Variants in DDHD1 observed in about 807,000 individuals in gnomAD.
The protein encoded by DDHD1 is DDHD domain containing 1.
DDHD1 carries 49 observed loss-of-function variants against 96.4 expected under a neutral mutation model. That is an observed-to-expected ratio of 0.51 (90% CI 0.40 to 0.64). The LOEUF (loss-of-function observed/expected upper bound fraction) is 0.64. Among genes scored for constraint, DDHD1 ranks in the 30% least tolerant of loss-of-function variants. The probability of loss-of-function intolerance (pLI) is 0.00; values close to 1 mark genes in which losing one functional copy is unlikely to be tolerated. For synonymous variants in DDHD1, 442 were observed against 446.5 expected (o/e 0.99, Z 0.13); for missense variants, 1,106 against 1,161.2 (o/e 0.95, Z 0.69).
intron 2 of DDHD1, among the ~76,000 whole-genome samples, chr14:53,094,670 G>A (rs1028902534): frequency 5.3e-5 from 8 of 150,874 alleles, no homozygotes; most frequent in Admixed American, 4.0e-4. Flanking sequence ...ATGAGACCCC[G>A]TCTCTTAAAA....
chr14:53,084,450 G>A (rs771103919), intron 4 of DDHD1, among the ~76,000 whole-genome samples: 11 of 152,018 alleles, frequency 7.2e-5, no homozygotes, highest in Non-Finnish European at 1.5e-4. Context: ...TAGTTCTCAG[G>A]TTCCTAGATA....
Position 53,046,721 on chromosome 14 carries a change from G to GAAA in DDHD1, c.*44_*46dup. ...GTATCTTGACACACACATTTTAACGGAAAAAAAAAAAATCAGTTTTAGGCC... is the reference window on the plus strand; with the variant it reads ...GTATCTTGACACACACATTTTAACGGAAAAAAAAAAAAAAATCAGTTTTAGGCC... On this transcript the variant is annotated 3_prime_UTR_variant, in exon 13 of 13. Transcript: ENST00000673822. 4 of 1,002,674 alleles carry GAAA rather than the reference G, an allele frequency of 4.0e-6. No individual in the cohort carries two copies. Among genetic ancestry groups the GAAA allele is most frequent in the South Asian group, 4.5e-5 (2 of 44,482 alleles). The allele number at this position is 1,002,674 out of a possible 1,614,324, so 62.1% of individuals were successfully genotyped here.
chr14:53,079,199 G>T (rs1885232126), intron 4 of DDHD1, among the ~76,000 whole-genome samples: 2 of 152,022 alleles, frequency 1.3e-5, no homozygotes, highest in Non-Finnish European at 2.9e-5. Context: ...TTTGGTATCG[G>T]GGTAATACTG....
intron 3 of DDHD1, 157 bp downstream of exon 3, chr14:53,093,159 A>C (rs887764212): frequency 3.2e-6 from 2 of 620,528 alleles, no homozygotes; most frequent in African/African-American, 1.9e-5. Flanking sequence ...ATGTCAACTC[A>C]ATCAACTTAA....
At chr14:53,137,233 T>C (rs957759213) in intron 1 of DDHD1, among the ~76,000 whole-genome samples, 12 of 152,198 alleles carry the variant, frequency 7.9e-5, no homozygotes, top group East Asian at 7.7e-4. Flanking sequence ...ACAGGACATA[T>C]TCATTCAAGA....
intron 12 of DDHD1, among the ~76,000 whole-genome samples, chr14:53,050,550 A>G (rs1882451915): frequency 6.6e-6 from 1 of 152,102 alleles, no homozygotes; most frequent in Non-Finnish European, 1.5e-5. Context: ...ATTCTACCAT[A>G]TATTATAATT....
intron 1 of DDHD1, among the ~76,000 whole-genome samples, chr14:53,148,300 T>C (rs1891129529): frequency 6.6e-6 from 1 of 151,984 alleles, no homozygotes; most frequent in African/African-American, 2.4e-5. Flanking sequence ...ATCACTGCCA[T>C]TGGAATTGAA....
chr14:53,065,118 T>C (rs1471857170), intron 6 of DDHD1, among the ~76,000 whole-genome samples: 1 of 152,170 alleles, frequency 6.6e-6, no homozygotes, highest in Non-Finnish European at 1.5e-5. Flanking sequence ...AAGCACTGGA[T>C]AGCTTTTCAA....
chr14:53,101,413 CAT>C (rs1366793688), intron 2 of DDHD1, among the ~76,000 whole-genome samples: 2 of 152,002 alleles, frequency 1.3e-5, no homozygotes, highest in South Asian at 2.1e-4. Context: ...CAGTTGAACA[CAT>C]CTTTGCTAAT....
intron 10 of DDHD1, among the ~76,000 whole-genome samples, chr14:53,055,053 A>C (rs1370539814): frequency 3.3e-5 from 5 of 152,276 alleles, no homozygotes; most frequent in African/African-American, 1.2e-4. Context: ...AAAGTAAAAC[A>C]GCCAATGAGT....
chr14:53,116,363 G>A (rs1888542962), intron 1 of DDHD1, among the ~76,000 whole-genome samples: 1 of 152,066 alleles, frequency 6.6e-6, no homozygotes, highest in East Asian at 1.9e-4. Flanking sequence ...CTCAACTCTG[G>A]ACCAAGATGA....
At chr14:53,094,307 C>T (rs1434819595) in intron 2 of DDHD1, among the ~76,000 whole-genome samples, 1 of 152,022 alleles carries the variant, frequency 6.6e-6, no homozygotes, top group Non-Finnish European at 1.5e-5. Context: ...GATAGTAAAG[C>T]CAATAATTAT....
At chr14:53,064,618 T>C (rs1458701048) in intron 6 of DDHD1, among the ~76,000 whole-genome samples, 2 of 152,244 alleles carry the variant, frequency 1.3e-5, no homozygotes, top group East Asian at 1.9e-4. Context: ...TATTTCACTA[T>C]GGAATGAGGC....
At chr14:53,103,352 C>T (rs1887452408) in intron 2 of DDHD1, 1 of 354,644 alleles carries the variant, frequency 2.8e-6, no homozygotes, top group South Asian at 7.8e-5. Flanking sequence ...GATATAACAA[C>T]AAGGAATTTT....
At chr14:53,145,959 C>G (rs1306569558) in intron 1 of DDHD1, among the ~76,000 whole-genome samples, 1 of 152,198 alleles carries the variant, frequency 6.6e-6, no homozygotes, top group African/African-American at 2.4e-5. Flanking sequence ...GTAATCCCAG[C>G]ACTTTGGGAG....
At chr14:53,099,069 C>T (rs1371996175) in intron 2 of DDHD1, among the ~76,000 whole-genome samples, 1 of 151,586 alleles carries the variant, frequency 6.6e-6, no homozygotes, top group Admixed American at 6.6e-5. Flanking sequence ...ATCTCTGTTC[C>T]TTTTTCTTGG....
intron 1 of DDHD1, among the ~76,000 whole-genome samples, chr14:53,111,164 A>G (rs150551625): frequency 0.017 from 2,576 of 152,140 alleles, 31 homozygotes; most frequent in Non-Finnish European, 0.024. Context: ...CGCAATAAAG[A>G]TATTTATGTG....
rs774185268 is a variant in DDHD1, at chr14:53,152,257, T to C, written c.838+4A>G. 1 of 1,595,796 alleles carries C rather than the reference T, an allele frequency of 6.3e-7. No homozygotes were observed. Among genetic ancestry groups the C allele is most frequent in the South Asian group, 1.1e-5 (1 of 88,352 alleles). The stretch of plus-strand genomic sequence containing the variant: ...TCCTGCCCTAACCCCGGCCCGCTAC[T>C]CACGGTTCCAGTACACCGGGTAGCA... On this transcript the variant is annotated splice_donor_region_variant and intron_variant, in intron 1 of 12. Coordinates refer to ENST00000673822, the MANE Select transcript of DDHD1 (RefSeq NM_001160148.2).
In DDHD1 at chr14:53,043,230, A is replaced by G. The variant is rs969954879; in HGVS notation, c.*3538T>C. On this transcript the variant is annotated 3_prime_UTR_variant, in exon 13 of 13. Transcript: ENST00000673822. ...AAAACAGAGAAAAAAGAGACTAAGGATGAATGTTTACATGTCTGAGGCCTT... is the reference window on the plus strand; with the variant it reads ...AAAACAGAGAAAAAAGAGACTAAGGGTGAATGTTTACATGTCTGAGGCCTT... 15 of 152,202 alleles carry G rather than the reference A, an allele frequency of 9.9e-5. No individual in the cohort carries two copies. The highest frequency in any genetic ancestry group is 3.1e-4 in the African/African-American group (13 of 41,446). The allele number at this position is 152,202 out of a possible 1,614,324, so 9.4% of individuals were successfully genotyped here.
Sources: gnomAD v4.1 joint callset for allele counts (sites outside exome capture counted in the v4.1 genomes callset) on GRCh38, gnomAD v4.1.1 for gene constraint, MANE v1.5 for transcripts, NCBI Gene and HGNC (gene_info 2026-07-23, HGNC 2026-07-21) for gene names.